Variants in GRIK4 observed in about 807,000 individuals in gnomAD.
GRIK4 encodes the protein glutamate ionotropic receptor kainate type subunit 4.
In GRIK4, 40 loss-of-function variants were observed where a neutral mutation model predicts 104.9. That is an observed-to-expected ratio of 0.38 (90% confidence interval 0.30 to 0.50). The LOEUF is 0.50. GRIK4 is among the 20% of genes least tolerant of loss of function. The pLI is 0.93. For missense variants in GRIK4, 1,047 were observed against 1,308.1 expected (o/e 0.80, Z 3.08); for synonymous variants, 485 against 524.9 (o/e 0.92, Z 1.04).
chr11:120,967,974 CAG>C lies in GRIK4; in HGVS notation c.2395+653_2395+654del. On this transcript the variant is annotated intron_variant, in intron 19 of 20. Coordinates refer to ENST00000527524, the MANE Select transcript of GRIK4 (RefSeq NM_014619.5). This position sits in a 1 kb window ranked among gnomAD's most constrained non-coding sequence, Gnocchi z 4.2. ...CTTAACCCCACCTTATTTCCCTTCTCAGACCTCATCGCTACCTGATATTATAT... is the reference window on the plus strand; with the variant it reads ...CTTAACCCCACCTTATTTCCCTTCTCACCTCATCGCTACCTGATATTATAT... Among the ~76,000 whole-genome samples the C allele has an allele frequency of 6.6e-6, 1 of 152,194 alleles. No individual in the cohort carries two copies. Among genetic ancestry groups the C allele is most frequent in the Non-Finnish European group, 1.5e-5 (1 of 68,040 alleles).
intron 1 of GRIK4, among the ~76,000 whole-genome samples, chr11:120,555,000 C>T (rs1948173907): frequency 1.3e-5 from 2 of 152,194 alleles, no homozygotes; most frequent in African/African-American, 4.8e-5. Context: ...CAACCACACT[C>T]CCACACAGGC....
At chr11:120,924,737 G>T (rs1453741063) in intron 13 of GRIK4, among the ~76,000 whole-genome samples, 1 of 152,188 alleles carries the variant, frequency 6.6e-6, no homozygotes, top group African/African-American at 2.4e-5. Context: ...AGAACGATCT[G>T]TGAAAAAACA....
intron 1 of GRIK4, among the ~76,000 whole-genome samples, chr11:120,642,775 C>G (rs1326895916): frequency 6.6e-6 from 1 of 152,184 alleles, no homozygotes; most frequent in African/African-American, 2.4e-5. Context: ...AAATTCTCTG[C>G]CGTCCTCCTC....
At chr11:120,717,616 C>A (rs981526225) in intron 3 of GRIK4, among the ~76,000 whole-genome samples, 1 of 151,992 alleles carries the variant, frequency 6.6e-6, no homozygotes, top group Non-Finnish European at 1.5e-5. Context: ...CAGTTGACCT[C>A]TTTGGTCCTC....
intron 13 of GRIK4, among the ~76,000 whole-genome samples, chr11:120,928,063 A>C: frequency 6.6e-6 from 1 of 151,946 alleles, no homozygotes; most frequent in Non-Finnish European, 1.5e-5. Flanking sequence ...AAACATACAA[A>C]AATTAGCCGG....
At chr11:120,840,191 G>A (rs146957752) in intron 8 of GRIK4, among the ~76,000 whole-genome samples, 28 of 152,344 alleles carry the variant, frequency 1.8e-4, no homozygotes, top group Non-Finnish European at 2.6e-4. Flanking sequence ...CACTTCTGCA[G>A]GAGGGGAGAG....
intron 14 of GRIK4, among the ~76,000 whole-genome samples, chr11:120,947,401 C>CA (rs34759788): frequency 0.24 from 29,771 of 123,876 alleles, 3,269 homozygotes; most frequent in East Asian, 0.37. Context: ...GACTCTGTCT[C>CA]AAAAAAAAAA....
intron 14 of GRIK4, among the ~76,000 whole-genome samples, chr11:120,949,836 C>T (rs557721435): frequency 6.6e-6 from 1 of 152,292 alleles, no homozygotes; most frequent in South Asian, 2.1e-4. Context: ...CTTAACCTCC[C>T]TGGGTCCCAG....
At chr11:120,880,906 G>A (rs1340729826) in intron 11 of GRIK4, among the ~76,000 whole-genome samples, 1 of 152,266 alleles carries the variant, frequency 6.6e-6, no homozygotes, top group East Asian at 1.9e-4. Flanking sequence ...GTCAGGGGCC[G>A]GGAATGTAAG....
At chr11:120,795,323 C>G (rs981093377) in intron 3 of GRIK4, among the ~76,000 whole-genome samples, 1 of 152,114 alleles carries the variant, frequency 6.6e-6, no homozygotes, top group Non-Finnish European at 1.5e-5. Flanking sequence ...AGCCCCAGTC[C>G]AGTTTACCCA....
intron 3 of GRIK4, among the ~76,000 whole-genome samples, chr11:120,697,687 A>T (rs975655139): frequency 1.3e-5 from 2 of 152,150 alleles, no homozygotes; most frequent in African/African-American, 4.8e-5. Flanking sequence ...GCTCCAAATG[A>T]GCTAGCAATG....
chr11:120,885,527 A>G (rs2135714624), intron 11 of GRIK4, among the ~76,000 whole-genome samples: 1 of 152,166 alleles, frequency 6.6e-6, no homozygotes, highest in African/African-American at 2.4e-5. Flanking sequence ...CTGAGATTAC[A>G]GGCGCCTACC....
chr11:120,699,836 C>T (rs535068164), intron 3 of GRIK4, among the ~76,000 whole-genome samples: 42 of 152,222 alleles, frequency 2.8e-4, no homozygotes, highest in Admixed American at 1.5e-3. Context: ...CTGGCCAGCT[C>T]GGGGCATGCC....
intron 3 of GRIK4, among the ~76,000 whole-genome samples, chr11:120,755,554 G>A (rs1406245512): frequency 6.6e-6 from 1 of 151,896 alleles, no homozygotes; most frequent in East Asian, 1.9e-4. Flanking sequence ...GCTGCAGTGA[G>A]TGGTGATCAC....
chr11:120,697,066 A>G (rs1486638514), intron 3 of GRIK4, among the ~76,000 whole-genome samples: 2 of 152,042 alleles, frequency 1.3e-5, no homozygotes, highest in Admixed American at 6.5e-5. Flanking sequence ...TCATCCTTCA[A>G]CCCGTTCGCT....
Position 120,802,715 on chromosome 11 carries a change from G to C in GRIK4, c.105G>C (p.Met35Ile). ...CAGCTGCTATCTTGGACGACCCCAT[G>C]GAGTGCAGCAGAGGGGAGCGGCTCT... ...LRIAAILDDP[M>I]ECSRGERLSI... is the part of the protein sequence containing the mutation. Residue 35 changes from methionine (M) to isoleucine (I), a missense_variant, in exon 4 of 21, where the codon ATG becomes ATC. Met to Ile is a conservative substitution (Grantham distance 10, BLOSUM62 1). Around this residue, in one of 3 missense-constraint regions of GRIK4, gnomAD observed 447 missense variants for 514.9 expected, o/e 0.87. Coordinates refer to ENST00000527524, the MANE Select transcript of GRIK4 (RefSeq NM_014619.5). 6.2e-7 allele frequency: 1 copy of C among 1,614,042 alleles called. No homozygotes were observed. Among genetic ancestry groups the C allele is most frequent in the Non-Finnish European group, 8.5e-7 (1 of 1,179,982 alleles).
At chr11:120,845,886 G>C (rs1048194069) in intron 8 of GRIK4, among the ~76,000 whole-genome samples, 2 of 152,212 alleles carry the variant, frequency 1.3e-5, no homozygotes, top group Non-Finnish European at 2.9e-5. Context: ...TGGAGTGAAA[G>C]CTCCTTGTGT....
intron 1 of GRIK4, among the ~76,000 whole-genome samples, chr11:120,651,615 G>A (rs1591769698): frequency 1.3e-5 from 2 of 152,152 alleles, no homozygotes; most frequent in Non-Finnish European, 2.9e-5. Context: ...GGGCTGGGTG[G>A]TCAGTGCCGC....
chr11:120,621,905 AT>A (rs1949194422), intron 1 of GRIK4, among the ~76,000 whole-genome samples: 1 of 151,160 alleles, frequency 6.6e-6, no homozygotes, highest in South Asian at 2.1e-4. Context: ...TATTGTTTTA[AT>A]TTTTGTTTTT....
Sources: allele counts gnomAD v4.1 joint callset (sites outside exome capture counted in the v4.1 genomes callset), GRCh38; gene constraint gnomAD v4.1.1; regional missense constraint gnomAD v4.1.1; non-coding constraint Gnocchi (gnomAD v3.1); transcripts MANE v1.5; gene names NCBI Gene and HGNC (gene_info 2026-07-23, HGNC 2026-07-21).